Variants in DNAH3 observed in about 807,000 individuals in gnomAD.
The protein encoded by DNAH3 is dynein axonemal heavy chain 3.
A neutral mutation model predicts 432.5 loss-of-function variants in DNAH3; 332 were observed. The observed-to-expected ratio is 0.77, with a 90% CI of 0.70 to 0.84. The LOEUF (loss-of-function observed/expected upper bound fraction) is 0.84. Ranked by LOEUF, DNAH3 falls within the 40% of genes least tolerant of loss-of-function variation. The pLI is 0.00. For synonymous variants in DNAH3, 1,956 were observed against 1,900.2 expected, an observed-to-expected ratio of 1.03 and a Z score of -0.76; for missense variants, 4,861 against 5,114.0, an observed-to-expected ratio of 0.95 and a Z score of 1.51.
intron 6 of DNAH3, among the ~76,000 whole-genome samples, chr16:21,135,258 G>C (rs563593484): frequency 6.6e-6 from 1 of 152,204 alleles, no homozygotes; most frequent in South Asian, 2.1e-4. Flanking sequence ...CACCAAAATA[G>C]ATGCACACAA....
chr16:21,101,556 T>C (rs1597378368), intron 16 of DNAH3, among the ~76,000 whole-genome samples: 2 of 152,274 alleles, frequency 1.3e-5, no homozygotes, highest in South Asian at 4.1e-4. Context: ...GGAAATAGAA[T>C]TCACTCCCAT....
chr16:21,119,010 T>C (rs1445033633), intron 11 of DNAH3, among the ~76,000 whole-genome samples: 1 of 152,080 alleles, frequency 6.6e-6, no homozygotes, highest in Non-Finnish European at 1.5e-5. Flanking sequence ...AGGGGGAAAA[T>C]CAAGTGCAAA....
chr16:20,954,737 C>T (rs2084481282), intron 55 of DNAH3, 76 bp downstream of exon 55: 4 of 1,521,680 alleles, frequency 2.6e-6, no homozygotes, highest in Non-Finnish European at 2.7e-6. Context: ...CAAGCTTAAA[C>T]ACGCACCTGG....
At chr16:21,121,864 T>C in intron 10 of DNAH3, 81 bp downstream of exon 11, 1 of 1,274,600 alleles carries the variant, frequency 7.8e-7, no homozygotes, top group East Asian at 2.4e-5. Context: ...CCCAGCGACC[T>C]GACTTGTACA....
chr16:21,099,931 A>C (rs2091792300), intron 16 of DNAH3, among the ~76,000 whole-genome samples: 1 of 152,210 alleles, frequency 6.6e-6, no homozygotes, highest in Non-Finnish European at 1.5e-5. Flanking sequence ...CAAATAATCA[A>C]TACTCTTCAA....
intron 49 of DNAH3, among the ~76,000 whole-genome samples, chr16:20,980,294 C>CATCATATATTATAATATAA (rs1567572188): frequency 3.0e-5 from 4 of 135,576 alleles, no homozygotes; most frequent in Admixed American, 7.9e-5. Flanking sequence ...TTATAATATA[C>CATCATATATTATAATATAA]ATCATATATT....
At chr16:21,031,092 C>T in exon 37 of DNAH3, 1 of 1,614,136 alleles carries the variant, frequency 6.2e-7, no homozygotes, top group Non-Finnish European at 8.5e-7. Flanking sequence ...ATCCAAATAG[C>T]ATCCACTGGC....
rs370325138 is a variant in DNAH3, at chr16:21,031,028, T to A, written c.5439+17A>T. ...ATGTCTCACTCATGGAAAAGTCATA[T>A]CAGGGTCAATACTTACCTTTTTATT... On this transcript the variant is annotated intron_variant, in intron 37 of 61. Transcript: ENST00000261383. The A allele has an allele frequency of 3.7e-6, 6 of 1,613,236 alleles. No homozygotes were observed. The highest frequency in any genetic ancestry group is 5.1e-6 in the Non-Finnish European group (6 of 1,179,364).
intron 9 of DNAH3, among the ~76,000 whole-genome samples, chr16:21,123,791 TTC>T (rs1405008635): frequency 6.6e-6 from 1 of 152,092 alleles, no homozygotes; most frequent in African/African-American, 2.4e-5. Flanking sequence ...GTTTTCAGTT[TTC>T]TCTCTTTTTT....
At chr16:20,951,943 C>T (rs1200510717) in intron 56 of DNAH3, among the ~76,000 whole-genome samples, 1 of 151,672 alleles carries the variant, frequency 6.6e-6, no homozygotes, top group African/African-American at 2.4e-5. Context: ...CAGGTTTTCA[C>T]CGTGTTACCC....
intron 24 of DNAH3, among the ~76,000 whole-genome samples, chr16:21,066,165 T>G (rs1470833176): frequency 6.6e-6 from 1 of 152,034 alleles, no homozygotes; most frequent in East Asian, 1.9e-4. Flanking sequence ...TTGTTTTTTT[T>G]TTTGTTTTTT....
chr16:21,049,585 T>A, exon 31 of DNAH3: 1 of 1,614,104 alleles, frequency 6.2e-7, no homozygotes, highest in Non-Finnish European at 8.5e-7. Context: ...CCTGTTGAAC[T>A]CATCAAAGCA....
chr16:20,992,253 C>T (rs2086588755), intron 44 of DNAH3, among the ~76,000 whole-genome samples: 1 of 152,212 alleles, frequency 6.6e-6, no homozygotes, highest in Non-Finnish European at 1.5e-5. Flanking sequence ...TTTATGTTGA[C>T]AACCAAGTCC....
At chr16:21,001,414 C>T (rs1032364666) in intron 42 of DNAH3, among the ~76,000 whole-genome samples, 37 of 152,296 alleles carry the variant, frequency 2.4e-4, no homozygotes, top group African/African-American at 8.7e-4. Context: ...TGTACAACTA[C>T]AGAGAGTACC....
chr16:20,994,181 G>A (rs2086668856), intron 44 of DNAH3, among the ~76,000 whole-genome samples: 1 of 152,036 alleles, frequency 6.6e-6, no homozygotes, highest in South Asian at 2.1e-4. Context: ...TGTAATCCCA[G>A]TACTTTGGGA....
exon 39 of DNAH3, chr16:21,024,648 T>C: frequency 6.2e-7 from 1 of 1,613,516 alleles, no homozygotes; most frequent in Non-Finnish European, 8.5e-7. Flanking sequence ...CATGTAGGAA[T>C]CCTTCAGGGG....
At chr16:21,100,681 A>G (rs2091815444) in intron 16 of DNAH3, among the ~76,000 whole-genome samples, 1 of 152,212 alleles carries the variant, frequency 6.6e-6, no homozygotes, top group African/African-American at 2.4e-5. Context: ...TCGTGTAAAT[A>G]TCACATAACT....
chr16:21,090,175 T>C (rs1264010957), intron 18 of DNAH3, among the ~76,000 whole-genome samples: 1 of 151,862 alleles, frequency 6.6e-6, no homozygotes, highest in East Asian at 1.9e-4. Flanking sequence ...AGAAATTGAA[T>C]TTATAGATAA....
At chr16:21,136,882 C>G (rs1316384253) in intron 5 of DNAH3, among the ~76,000 whole-genome samples, 2 of 152,120 alleles carry the variant, frequency 1.3e-5, no homozygotes, top group Non-Finnish European at 2.9e-5. Flanking sequence ...CACCTGTAAT[C>G]TCAGCATTTT....
Sources: gnomAD v4.1 joint callset for allele counts (sites outside exome capture counted in the v4.1 genomes callset) on GRCh38, gnomAD v4.1.1 for gene constraint, MANE v1.5 for transcripts, NCBI Gene and HGNC (gene_info 2026-07-23, HGNC 2026-07-21) for gene names.